The following CDC42EP1 variants were observed in gnomAD, a reference collection of about 807,000 sequenced individuals.
CDC42EP1 encodes CDC42 effector protein 1.
CDC42EP1 carries 6 observed loss-of-function variants against 7.4 expected under a neutral mutation model. That is an observed-to-expected ratio of 0.81 (90% CI 0.44 to 1.60). CDC42EP1 has a LOEUF of 1.60. Among genes scored for constraint, CDC42EP1 ranks in the 40% most tolerant of loss-of-function variants. CDC42EP1 has a pLI of 0.01. For synonymous variants in CDC42EP1, 238 were observed against 227.1 expected (o/e 1.05, Z -0.43); for missense variants, 567 against 539.0 (o/e 1.05, Z -0.51).
rs1925367312 is a variant in CDC42EP1, at chr22:37,568,706, G to A, written c.1062G>A (p.Leu354=). ...LPQARASWES[L]DEEWRAPQAG... ...AAGCCCGGGCCTCCTGGGAGAGCCT[G>A]GACGAAGAGTGGAGGGCGCCCCAGG... Residue 354 remains leucine, a synonymous_variant, in exon 3 of 3, where the codon CTG becomes CTA. Coordinates refer to ENST00000249014, the MANE Select transcript of CDC42EP1 (RefSeq NM_152243.3). 6.5e-7 allele frequency: 1 copy of A among 1,536,164 alleles called. No homozygotes were observed. Among genetic ancestry groups the A allele is most frequent in the Non-Finnish European group, 8.8e-7 (1 of 1,141,600 alleles).
Position 37,566,513 on chromosome 22 carries a change from G to C in CDC42EP1, c.164G>C (p.Gly55Ala), listed in dbSNP as rs757931238. The C allele has an allele frequency of 1.6e-5, 26 of 1,612,180 alleles. No homozygotes were observed. Among genetic ancestry groups the C allele is most frequent in the Admixed American group, 5.0e-5 (3 of 59,840 alleles). ...FRHTMHVGRG[G>A]DVFGDTSFLS... Reference sequence around the variant, plus strand: ...CACACCATGCATGTGGGCCGTGGCGGGGATGTCTTCGGGGACACGTCCTTC... The same window carrying C: ...CACACCATGCATGTGGGCCGTGGCGCGGATGTCTTCGGGGACACGTCCTTC... The change falls in exon 2 of 3, where the codon GGG becomes GCG. Residue 55 changes from glycine (G) to alanine (A), a missense_variant. Transcript: ENST00000249014. This position sits in a 1 kb window ranked among gnomAD's most constrained non-coding sequence, Gnocchi z 6.4.
Position 37,568,455 on chromosome 22 carries a change from G to A in CDC42EP1, c.811G>A (p.Ala271Thr), listed in dbSNP as rs764859910. 6.3e-7 allele frequency: 1 copy of A among 1,594,850 alleles called. No individual in the cohort carries two copies. Among genetic ancestry groups the A allele is most frequent in the Non-Finnish European group, 8.6e-7 (1 of 1,168,732 alleles). Reference protein sequence around the residue: ...APAATPTGPAANPPAPAASST... With the variant: ...APAATPTGPATNPPAPAASST... ...TGCCGCAACCCCCACGGGTCCTGCT[G>A]CAAATCCCCCAGCCCCTGCCGCAAG... The change falls in exon 3 of 3, where the codon GCA becomes ACA. Residue 271 changes from alanine to threonine, a missense_variant. Coordinates refer to ENST00000249014, the MANE Select transcript of CDC42EP1 (RefSeq NM_152243.3).
At chr22:37,561,779 G>A (rs1383950543) in intron 1 of CDC42EP1, among the ~76,000 whole-genome samples, 1 of 152,196 alleles carries the variant, frequency 6.6e-6, no homozygotes, top group Non-Finnish European at 1.5e-5. Flanking sequence ...ATGAGACGTG[G>A]GCCCCTGGCC....
At chr22:37,567,619 G>A (rs1165108411) in intron 2 of CDC42EP1, among the ~76,000 whole-genome samples, 2 of 152,200 alleles carry the variant, frequency 1.3e-5, no homozygotes, top group Admixed American at 6.5e-5. Context: ...GGAAGCAGGG[G>A]CTGGACATGT....
At chr22:37,563,889 A>G (rs927044218) in intron 1 of CDC42EP1, 2 of 152,160 alleles carry the variant, frequency 1.3e-5, no homozygotes, top group Non-Finnish European at 2.9e-5. Flanking sequence ...TATCATGGAG[A>G]TCTGTGATTC....
Position 37,568,934 on chromosome 22 carries a change from C to A in CDC42EP1, c.*114C>A. 1.6e-6 allele frequency: 1 copy of A among 641,348 alleles called. No individual in the cohort carries two copies. The highest frequency in any genetic ancestry group is 2.4e-6 in the Non-Finnish European group (1 of 413,762). 39.7% of individuals were successfully genotyped at this position (641,348 alleles called of 1,614,324 possible). ...AAGTCATGTTGCCCCTAAACCCCTCCCCACCTCTGCAGGACAGACATGGGA... is the reference window on the plus strand; with the variant it reads ...AAGTCATGTTGCCCCTAAACCCCTCACCACCTCTGCAGGACAGACATGGGA... On this transcript the variant is annotated 3_prime_UTR_variant, in exon 3 of 3. Transcript: ENST00000249014.
chr22:37,565,185 CTTTT>C (rs67228684), intron 1 of CDC42EP1, among the ~76,000 whole-genome samples: 1 of 90,902 alleles, frequency 1.1e-5, no homozygotes, highest in African/African-American at 4.2e-5. Context: ...TTTTTTTTTC[CTTTT>C]TTTTTTTTTT....
rs67228684 is a variant in CDC42EP1 at position 37,565,185 on chromosome 22, C to CTT, written c.-278-868_-278-867dup. On this transcript the variant is annotated intron_variant, in intron 1 of 2. Coordinates refer to ENST00000249014, the MANE Select transcript of CDC42EP1 (RefSeq NM_152243.3). Reference sequence around the variant, plus strand: ...GAATAAGTGCTTTCTTTTTTTTTTCCTTTTTTTTTTTTTTTTTTTTGAGAC... The same window carrying CTT: ...GAATAAGTGCTTTCTTTTTTTTTTCCTTTTTTTTTTTTTTTTTTTTTTGAGAC... Among the ~76,000 whole-genome samples the CTT allele has an allele frequency of 2.6e-3, 237 of 90,864 alleles. 4 individuals carry two copies. Among genetic ancestry groups the CTT allele is most frequent in the Middle Eastern group, 7.2e-3 (1 of 138 alleles). 59.6% of individuals were successfully genotyped at this position (90,864 alleles called of 152,430 possible).
intron 1 of CDC42EP1, among the ~76,000 whole-genome samples, chr22:37,561,156 C>G (rs1263694801): frequency 6.6e-6 from 1 of 152,156 alleles, no homozygotes; most frequent in Non-Finnish European, 1.5e-5. Context: ...GCGTCCTGAG[C>G]CCCGTCCCCC....
At position 37,566,324 on chromosome 22, in the gene CDC42EP1, C is replaced by G. The variant is rs748888914; in HGVS notation, c.-26C>G. On this transcript the variant is annotated 5_prime_UTR_variant, in exon 2 of 3. Coordinates refer to ENST00000249014, the MANE Select transcript of CDC42EP1 (RefSeq NM_152243.3). The surrounding 1 kb of genome is among the most constrained non-coding windows in gnomAD (Gnocchi z 6.4). ...TCCCCCGGCCCCTGGTAGGCATGGA[C>G]TAGCAGCTGTGAGCAGCCAGAGCTG... 3 of 1,258,830 alleles carry G rather than the reference C, an allele frequency of 2.4e-6. No homozygotes were observed. Among genetic ancestry groups the G allele is most frequent in the Non-Finnish European group, 3.2e-6 (3 of 945,534 alleles). The allele number at this position is 1,258,830 out of a possible 1,614,324, so 78.0% of individuals were successfully genotyped here.
At chr22:37,562,687 G>T (rs1429806914) in intron 1 of CDC42EP1, among the ~76,000 whole-genome samples, 3 of 152,122 alleles carry the variant, frequency 2.0e-5, no homozygotes, top group Admixed American at 6.5e-5. Flanking sequence ...TTGGGGGGGT[G>T]CCCAGAAACA....
At chr22:37,562,325 C>A (rs1925073501) in intron 1 of CDC42EP1, among the ~76,000 whole-genome samples, 1 of 152,156 alleles carries the variant, frequency 6.6e-6, no homozygotes, top group Non-Finnish European at 1.5e-5. Flanking sequence ...GGGAGGTGAG[C>A]CTGGCACCAG....
chr22:37,560,927 G>T (rs928755551), intron 1 of CDC42EP1, among the ~76,000 whole-genome samples: 1 of 151,934 alleles, frequency 6.6e-6, no homozygotes, highest in Non-Finnish European at 1.5e-5. Flanking sequence ...AGGAAGGGCC[G>T]GGGCGGGCAG....
intron 1 of CDC42EP1, chr22:37,563,875 A>C (rs1925132549): frequency 6.6e-6 from 1 of 152,232 alleles, no homozygotes; most frequent in South Asian, 2.1e-4. Flanking sequence ...TTTGGCATGC[A>C]GGTTATCATG....
intron 1 of CDC42EP1, among the ~76,000 whole-genome samples, chr22:37,562,662 G>C (rs1398491476): frequency 6.6e-6 from 1 of 152,172 alleles, no homozygotes; most frequent in African/African-American, 2.4e-5. Context: ...AGGGTAGTGT[G>C]AGGGGTGGGT....
At chr22:37,562,360 A>T (rs985884508) in intron 1 of CDC42EP1, among the ~76,000 whole-genome samples, 8 of 152,206 alleles carry the variant, frequency 5.3e-5, no homozygotes, top group Non-Finnish European at 1.2e-4. Flanking sequence ...TGCTTACTCC[A>T]GTGCCAGGTG....
intron 2 of CDC42EP1, 143 bp from the exon 3 acceptor site, chr22:37,567,965 A>AT (rs1344838427): frequency 5.8e-6 from 4 of 687,358 alleles, no homozygotes; most frequent in East Asian, 5.0e-5. Context: ...AGTGTATTCT[A>AT]TTGGAAAGAT....
chr22:37,565,361 T>A (rs12158527), intron 1 of CDC42EP1, among the ~76,000 whole-genome samples: 2,172 of 151,762 alleles, frequency 0.014, 42 homozygotes, highest in African/African-American at 0.048. Flanking sequence ...CTAATTTTTT[T>A]AAAATTTTTT....
At position 37,565,876 on chromosome 22, in the gene CDC42EP1, G is replaced by A. The variant is rs372743290; in HGVS notation, c.-278-196G>A. ...ATTACCAGCATGAGCCACCGCACCC[G>A]GCTGTGTTCTTGAACTTTCTATACA... On this transcript the variant is annotated intron_variant, in intron 1 of 2. Transcript: ENST00000249014. Among the ~76,000 whole-genome samples, 385 of 152,100 alleles carry A rather than the reference G, an allele frequency of 2.5e-3. 4 individuals are homozygous for A. The highest frequency in any genetic ancestry group is 3.0e-3 in the Non-Finnish European group (204 of 67,990).
Sources: allele counts gnomAD v4.1 joint callset (sites outside exome capture counted in the v4.1 genomes callset), GRCh38; gene constraint gnomAD v4.1.1; non-coding constraint Gnocchi (gnomAD v3.1); transcripts MANE v1.5; gene names NCBI Gene and HGNC (gene_info 2026-07-23, HGNC 2026-07-21).